SLC4A2: variants seen among roughly 807,000 people sequenced by gnomAD.
SLC4A2 encodes the protein solute carrier family 4 member 2, also known as anion exchange protein 2.
A neutral mutation model predicts 115.0 loss-of-function variants in SLC4A2; 36 were observed. The observed-to-expected ratio is 0.31, with a 90% CI of 0.24 to 0.41. The LOEUF is 0.41. Ranked by LOEUF, SLC4A2 falls within the 10% of genes least tolerant of loss-of-function variation. The probability of loss-of-function intolerance (pLI) is 1.00; values close to 1 mark genes in which losing one functional copy is unlikely to be tolerated. For synonymous variants in SLC4A2, 708 were observed against 708.3 expected, an observed-to-expected ratio of 1.00 and a Z score of 0.01; for missense variants, 1,252 against 1,705.6, an observed-to-expected ratio of 0.73 and a Z score of 4.68.
intron 8 of SLC4A2, among the ~76,000 whole-genome samples, chr7:151,069,643 C>T (rs1024813626): frequency 3.3e-5 from 5 of 151,966 alleles, no homozygotes; most frequent in Non-Finnish European, 5.9e-5. Context: ...CCATGGAGGC[C>T]GGATGCTTCC....
At chr7:151,065,653 C>G (rs1797202725) in intron 5 of SLC4A2, among the ~76,000 whole-genome samples, 1 of 152,232 alleles carries the variant, frequency 6.6e-6, no homozygotes, top group African/African-American at 2.4e-5. Flanking sequence ...ATGTTGTCCC[C>G]TCTGGGAGCG....
chr7:151,067,530 T>G (rs1797275778), intron 7 of SLC4A2, among the ~76,000 whole-genome samples: 1 of 152,264 alleles, frequency 6.6e-6, no homozygotes, highest in African/African-American at 2.4e-5. Context: ...AATTCACGTC[T>G]GTTAAAAGGC....
upstream of SLC4A2, chr7:151,058,924 A>T (rs1027379822): frequency 1.3e-5 from 2 of 152,240 alleles, no homozygotes; most frequent in African/African-American, 4.8e-5. Context: ...AACACGTGTT[A>T]ATTAACTCGT....
At chr7:151,070,667 G>A (rs945442085) in intron 11 of SLC4A2, 60 bp from the exon 12 acceptor site, 20 of 1,603,262 alleles carry the variant, frequency 1.2e-5, no homozygotes, top group African/African-American at 9.4e-5. Flanking sequence ...CACCCTGGGC[G>A]AGGGACTGGA....
intron 2 of SLC4A2, chr7:151,062,643 G>T: frequency 6.6e-7 from 1 of 1,524,156 alleles, no homozygotes; most frequent in Non-Finnish European, 8.8e-7. Context: ...GCCGGCCATG[G>T]ACTTCCTCCT....
rs1797651782 is a variant in SLC4A2 at position 151,076,474 on chromosome 7, AAAGTC to A, written c.*108_*112del. 2.1e-6 allele frequency: 2 copies of A among 971,688 alleles called. No individual in the cohort carries two copies. The highest frequency in any genetic ancestry group is 2.8e-5 in the East Asian group (1 of 35,234). The allele number at this position is 971,688 out of a possible 1,614,324, so 60.2% of individuals were successfully genotyped here. A position where few individuals can be genotyped will look rare whatever the true frequency, so the allele number is the denominator to read the frequency against. ...TCCTTTTTATTTAAGTGAATAATTT[AAAGTC>A]TTCTCCTCCCCCACTGCCCCTGCAG... On this transcript the variant is annotated 3_prime_UTR_variant, in exon 23 of 23. Coordinates refer to ENST00000413384, the MANE Select transcript of SLC4A2 (RefSeq NM_003040.4).
Position 151,071,591 on chromosome 7 carries a change from T to C in SLC4A2, c.2177T>C (p.Phe726Ser). Residue 726 changes from phenylalanine to serine, a missense_variant, in exon 14 of 23, where the codon TTT (phenylalanine) becomes TCT (serine). Coordinates refer to ENST00000413384, the MANE Select transcript of SLC4A2 (RefSeq NM_003040.4). The surrounding 1 kb of genome is among the most constrained non-coding windows in gnomAD (Gnocchi z 5.5). ...YFAALSPAITFGGLLGEKTQD... is the reference protein window; with the variant it reads ...YFAALSPAITSGGLLGEKTQD... The stretch of plus-strand genomic sequence containing the variant: ...GCCGCCCTGTCTCCTGCCATCACCT[T>C]TGGGGGGCTGCTGGGTGAGGAGAGC... 1 of 1,613,848 alleles carries C rather than the reference T, an allele frequency of 6.2e-7. No individual in the cohort carries two copies. The highest frequency in any genetic ancestry group is 8.5e-7 in the Non-Finnish European group (1 of 1,179,930).
chr7:151,071,029 C>A lies in SLC4A2; in HGVS notation c.1750-43C>A. 1 of 1,605,822 alleles carries A rather than the reference C, an allele frequency of 6.2e-7. No homozygotes were observed. Among genetic ancestry groups the A allele is most frequent in the Non-Finnish European group, 8.5e-7 (1 of 1,174,984 alleles). ...CCACCCTCAGCTCCAGGCCCTCAGC[C>A]CTCTTCTTTGTGCTCTCCCCCATCC... On this transcript the variant is annotated intron_variant, in intron 12 of 22. Coordinates refer to ENST00000413384, the MANE Select transcript of SLC4A2 (RefSeq NM_003040.4). This position sits in a 1 kb window ranked among gnomAD's most constrained non-coding sequence, Gnocchi z 5.5.
chr7:151,070,549 C>T lies in SLC4A2; in HGVS notation c.1542C>T (p.Ala514=), dbSNP rs145724977. 1.6e-4 allele frequency: 261 copies of T among 1,613,370 alleles called. No individual in the cohort carries two copies. Among genetic ancestry groups the T allele is most frequent in the Non-Finnish European group, 2.1e-4 (246 of 1,179,816 alleles). ...TGCTGGAGAAGATTCCTGAGAATGC[C>T]GAGGCCACGGTGGTCCTTGTGGGTA... ...LKLLEKIPEN[A]EATVVLVGCV... The change falls in exon 11 of 23, where the codon GCC becomes GCT. Residue 514 remains alanine (A), a synonymous_variant. Coordinates refer to ENST00000413384, the MANE Select transcript of SLC4A2 (RefSeq NM_003040.4).
rs759355394 is a variant in SLC4A2, at chr7:151,070,438, C to T, written c.1450-19C>T. ...GTGGGAGGGGCCTGGCTGGGCTGAG[C>T]CCTGTCTGTGTCCCCCAGCGTGAGC... is the stretch of plus-strand genomic sequence containing the variant. On this transcript the variant is annotated intron_variant, in intron 10 of 22. Coordinates refer to ENST00000413384, the MANE Select transcript of SLC4A2 (RefSeq NM_003040.4). 2 of 1,610,996 alleles carry T rather than the reference C, an allele frequency of 1.2e-6. No individual in the cohort carries two copies. The highest frequency in any genetic ancestry group is 1.7e-6 in the Non-Finnish European group (2 of 1,178,672).
At chr7:151,064,150 G>T in intron 2 of SLC4A2, 52 bp from the exon 3 acceptor site, 1 of 1,587,356 alleles carries the variant, frequency 6.3e-7, no homozygotes, top group Non-Finnish European at 8.6e-7. Flanking sequence ...AGGTTTCGGG[G>T]TACAATTCCC....
At chr7:151,061,768 TC>T in intron 1 of SLC4A2, 156 bp from the exon 2 acceptor site, 1 of 560,354 alleles carries the variant, frequency 1.8e-6, no homozygotes, top group Non-Finnish European at 3.2e-6. Flanking sequence ...TCTTCTCTTT[TC>T]TTCCTATAAA....
chr7:151,063,171 C>A (rs1477928960), intron 2 of SLC4A2: 1 of 1,482,214 alleles, frequency 6.7e-7, no homozygotes, highest in Admixed American at 2.2e-5. Flanking sequence ...CGCTGCTCCG[C>A]GCCCGCAGGA....
At chr7:151,068,117 C>G in intron 8 of SLC4A2, 63 bp downstream of exon 8, 1 of 1,280,504 alleles carries the variant, frequency 7.8e-7, no homozygotes. Context: ...CACATGGCCC[C>G]AAATCTGTCT....
Position 151,064,842 on chromosome 7 carries a change from T to C in SLC4A2, c.460-6T>C, listed in dbSNP as rs1426710350. On this transcript the variant is annotated splice_polypyrimidine_tract_variant and splice_region_variant and intron_variant, in intron 4 of 22. Coordinates refer to ENST00000413384, the MANE Select transcript of SLC4A2 (RefSeq NM_003040.4). Reference sequence around the variant, plus strand: ...TCACTCCTGCCCATGTGGGTCCCTGTTACAGTTCTTTCTCCAAGAGGATGA... The same window carrying C: ...TCACTCCTGCCCATGTGGGTCCCTGCTACAGTTCTTTCTCCAAGAGGATGA... 6.2e-7 allele frequency: 1 copy of C among 1,613,702 alleles called. No individual in the cohort carries two copies. The highest frequency in any genetic ancestry group is 8.5e-7 in the Non-Finnish European group (1 of 1,179,932).
intron 11 of SLC4A2, 52 bp downstream of exon 11, chr7:151,070,623 G>C: frequency 6.2e-7 from 1 of 1,600,276 alleles, no homozygotes; most frequent in East Asian, 2.2e-5. Flanking sequence ...CCTTGAGGCA[G>C]AGTCCTGTAG....
At position 151,070,749 on chromosome 7, in the gene SLC4A2, C is replaced by T; in HGVS notation, c.1587C>T (p.Arg529=). 3 of 1,613,754 alleles carry T rather than the reference C, an allele frequency of 1.9e-6. No homozygotes were observed. The highest frequency in any genetic ancestry group is 2.5e-6 in the Non-Finnish European group (3 of 1,179,990). Residue 529 remains arginine (R), a synonymous_variant, in exon 12 of 23, where the codon CGC becomes CGT. Transcript: ENST00000413384. ...VLVGCVEFLS[R]PTMAFVRLRE... ...TAGGCTGCGTGGAGTTCCTCTCCCG[C>T]CCCACCATGGCCTTTGTGCGGCTCC...
upstream of SLC4A2, chr7:151,058,685 T>G (rs868622441): frequency 6.6e-6 from 1 of 152,292 alleles, no homozygotes; most frequent in African/African-American, 2.4e-5. Context: ...CAGGGCCCAC[T>G]GGAGTCAGCC....
chr7:151,073,843 G>A (rs750799036), intron 16 of SLC4A2, among the ~76,000 whole-genome samples, 196 bp from the exon 17 acceptor site: 23 of 152,124 alleles, frequency 1.5e-4, no homozygotes, highest in African/African-American at 4.3e-4. Context: ...TATACTAGCC[G>A]CTTGGTCTTT....
Sources: gnomAD v4.1 joint callset for allele counts (sites outside exome capture counted in the v4.1 genomes callset) on GRCh38, gnomAD v4.1.1 for gene constraint, Gnocchi (gnomAD v3.1) non-coding constraint, MANE v1.5 for transcripts, NCBI Gene and HGNC (gene_info 2026-07-23, HGNC 2026-07-21) for gene names.